The following DEPDC1B variants were observed in gnomAD, a reference collection of about 807,000 sequenced individuals.
DEPDC1B encodes the protein DEP domain-containing protein 1B.
Under a neutral mutation model 66.5 loss-of-function variants are expected in DEPDC1B, and 51 were observed. That is an observed-to-expected ratio of 0.77 (90% CI 0.61 to 0.97). The LOEUF (loss-of-function observed/expected upper bound fraction) is 0.97. DEPDC1B is among the 50% of genes least tolerant of loss of function. DEPDC1B has a pLI of 0.00. For missense variants in DEPDC1B, 552 were observed against 637.1 expected (o/e 0.87, Z 1.44); for synonymous variants, 226 against 223.6 (o/e 1.01, Z -0.10).
chr5:60,629,170 T>C (rs1342836175), intron 7 of DEPDC1B, among the ~76,000 whole-genome samples: 1 of 152,216 alleles, frequency 6.6e-6, no homozygotes, highest in Non-Finnish European at 1.5e-5. Flanking sequence ...TGCAATGACA[T>C]GATTCCGTGA....
Position 60,647,478 on chromosome 5 carries a change from C to A in DEPDC1B, c.370G>T (p.Asp124Tyr). ...TTCCATTCTGGAAATTTAATAACAT[C>A]CTTTTGGTTTGGGGGCTTCTTTGGA... ...PYPKKPPNQK[D>Y]VIKFPEWNDL... Residue 124 changes from aspartate to tyrosine, a missense_variant, in exon 3 of 11, where the codon GAT (aspartate) becomes TAT (tyrosine). Transcript: ENST00000265036. 1 of 1,612,640 alleles carries A rather than the reference C, an allele frequency of 6.2e-7. No homozygotes were observed. Among genetic ancestry groups the A allele is most frequent in the Non-Finnish European group, 8.5e-7 (1 of 1,179,516 alleles).
chr5:60,597,499 T>C lies in DEPDC1B; in HGVS notation c.*254A>G. The C allele has an allele frequency of 3.1e-6, 1 of 326,622 alleles. No homozygotes were observed. Among genetic ancestry groups the C allele is most frequent in the Middle Eastern group, 8.9e-4 (1 of 1,128 alleles). 20.2% of individuals were successfully genotyped at this position (326,622 alleles called of 1,614,324 possible). On this transcript the variant is annotated 3_prime_UTR_variant, in exon 11 of 11. Transcript: ENST00000265036. ...AAATACCCTTAAATTCTGTAGCAAT[T>C]ACAAACATGTTAACATTATCACTAT...
Position 60,627,244 on chromosome 5 carries a change from G to A in DEPDC1B, c.898+11506C>T, listed in dbSNP as rs114880411. Reference sequence around the variant, plus strand: ...TCATCACTAAGAGGTTACTGACAAAGGTATAGAAAAAAATGATTACAAGAT... The same window carrying A: ...TCATCACTAAGAGGTTACTGACAAAAGTATAGAAAAAAATGATTACAAGAT... On this transcript the variant is annotated intron_variant, in intron 7 of 10. Coordinates refer to ENST00000265036, the MANE Select transcript of DEPDC1B (RefSeq NM_018369.3). Among the ~76,000 whole-genome samples, 932 of 151,960 alleles carry A rather than the reference G, an allele frequency of 6.1e-3. 5 individuals carry two copies. Among genetic ancestry groups the A allele is most frequent in the Non-Finnish European group, 9.0e-3 (614 of 67,886 alleles).
At chr5:60,599,293 A>G (rs764531498) in intron 9 of DEPDC1B, 33 bp from the exon 10 acceptor site, 26 of 1,489,652 alleles carry the variant, frequency 1.7e-5, no homozygotes, top group Non-Finnish European at 2.3e-5. Flanking sequence ...GAAAGAATAT[A>G]GCATATTTTC....
chr5:60,645,719 T>C, intron 3 of DEPDC1B, 100 bp from the exon 4 acceptor site: 6 of 1,293,782 alleles, frequency 4.6e-6, no homozygotes, highest in Non-Finnish European at 6.2e-6. Context: ...ATGAGAAATG[T>C]CTTTGATTTG....
intron 2 of DEPDC1B, among the ~76,000 whole-genome samples, chr5:60,672,097 C>A (rs1308420147): frequency 6.6e-6 from 1 of 152,172 alleles, no homozygotes; most frequent in African/African-American, 2.4e-5. Flanking sequence ...CACTATCTGG[C>A]CCTTTTCAGA....
Position 60,599,205 on chromosome 5 carries a change from C to T in DEPDC1B, c.1298G>A (p.Arg433His), listed in dbSNP as rs150780889. ...DITLSAPSFC[R>H]QISPEEFEYQ... ...TTCAAATTCCTCTGGACTAATTTGA[C>T]GGCAAAATGATGGAGCAGATAAAGT... The change falls in exon 10 of 11, where the codon CGT becomes CAT. Residue 433 changes from arginine to histidine, a missense_variant. Physicochemically the swap from Arg to His is conservative, Grantham distance 29. Coordinates refer to ENST00000265036, the MANE Select transcript of DEPDC1B (RefSeq NM_018369.3). 4.8e-5 allele frequency: 78 copies of T among 1,611,822 alleles called. No homozygotes were observed. The Middle Eastern group carries it at 8.3e-4, about 17-fold the overall frequency.
At chr5:60,697,078 G>A (rs1378224366) in intron 1 of DEPDC1B, among the ~76,000 whole-genome samples, 1 of 152,052 alleles carries the variant, frequency 6.6e-6, no homozygotes, top group Non-Finnish European at 1.5e-5. Flanking sequence ...GATTTAAGCA[G>A]TTTCTAGAAA....
chr5:60,643,017 A>C (rs1415128914), intron 5 of DEPDC1B, among the ~76,000 whole-genome samples, 158 bp from the exon 6 acceptor site: 1 of 152,216 alleles, frequency 6.6e-6, no homozygotes, highest in Non-Finnish European at 1.5e-5. Context: ...AAAAGATGGA[A>C]ACCTTTCCTT....
chr5:60,700,158 G>A lies in DEPDC1B; in HGVS notation c.-65C>T. On this transcript the variant is annotated 5_prime_UTR_variant, in exon 1 of 11. Coordinates refer to ENST00000265036, the MANE Select transcript of DEPDC1B (RefSeq NM_018369.3). ...ATCCCCGCCAGCCGGAGGAGCAGCA[G>A]TTTGAATCCCAAGCCCGCGGGCTGC... 6.7e-7 allele frequency: 1 copy of A among 1,499,628 alleles called. No homozygotes were observed. Among genetic ancestry groups the A allele is most frequent in the Non-Finnish European group, 8.9e-7 (1 of 1,126,472 alleles). 92.9% of individuals were successfully genotyped at this position (1,499,628 alleles called of 1,614,324 possible).
At chr5:60,694,819 T>C (rs939348809) in intron 1 of DEPDC1B, among the ~76,000 whole-genome samples, 1 of 152,234 alleles carries the variant, frequency 6.6e-6, no homozygotes, top group African/African-American at 2.4e-5. Flanking sequence ...TGACATATAG[T>C]ATACCCATTT....
chr5:60,638,931 T>G, intron 6 of DEPDC1B, 41 bp from the exon 7 acceptor site: 2 of 1,593,486 alleles, frequency 1.3e-6, no homozygotes, highest in Non-Finnish European at 1.7e-6. Context: ...ATTAATGGAG[T>G]AATTACCTCT....
intron 7 of DEPDC1B, among the ~76,000 whole-genome samples, chr5:60,614,417 G>C (rs1212016227): frequency 6.6e-6 from 1 of 152,116 alleles, no homozygotes; most frequent in Non-Finnish European, 1.5e-5. Flanking sequence ...GCCTGGGCTA[G>C]GTTCAAGGGA....
chr5:60,657,971 A>T (rs1341978617), intron 2 of DEPDC1B, among the ~76,000 whole-genome samples: 1 of 152,146 alleles, frequency 6.6e-6, no homozygotes, highest in East Asian at 1.9e-4. Flanking sequence ...AATTTCTTTG[A>T]GGCTTTGTTC....
intron 4 of DEPDC1B, among the ~76,000 whole-genome samples, chr5:60,645,146 T>G (rs1048283980): frequency 3.3e-5 from 5 of 152,176 alleles, no homozygotes; most frequent in African/African-American, 1.2e-4. Flanking sequence ...AAAAACTAAC[T>G]TATCCAATGA....
chr5:60,645,718 G>A (rs1260468694), intron 3 of DEPDC1B, 99 bp from the exon 4 acceptor site: 1 of 1,286,846 alleles, frequency 7.8e-7, no homozygotes, highest in African/African-American at 1.5e-5. Flanking sequence ...TATGAGAAAT[G>A]TCTTTGATTT....
intron 2 of DEPDC1B, among the ~76,000 whole-genome samples, chr5:60,667,341 T>A (rs184350276): frequency 1.3e-5 from 2 of 151,274 alleles, no homozygotes; most frequent in Admixed American, 1.3e-4. Flanking sequence ...AGTGTAAATA[T>A]CCAGAATACA....
At chr5:60,699,915 C>A (rs1379112) in intron 1 of DEPDC1B, 131 bp downstream of exon 1, 83,635 of 1,122,328 alleles carry the variant, frequency 0.075, 5,635 homozygotes, top group African/African-American at 0.33. Context: ...CCCCAGTAGT[C>A]CCAGCTGAAA....
chr5:60,668,654 A>G (rs1263382882), intron 2 of DEPDC1B, among the ~76,000 whole-genome samples: 6 of 152,166 alleles, frequency 3.9e-5, no homozygotes, highest in Non-Finnish European at 8.8e-5. Flanking sequence ...TGAACCAGGC[A>G]TTTCCAGATG....
Sources: gnomAD v4.1 joint callset for allele counts (sites outside exome capture counted in the v4.1 genomes callset) on GRCh38, gnomAD v4.1.1 for gene constraint, MANE v1.5 for transcripts, NCBI Gene and HGNC (gene_info 2026-07-23, HGNC 2026-07-21) for gene names.